Variants in CDK5RAP2 observed in about 807,000 individuals in gnomAD.
CDK5RAP2 encodes CDK5 regulatory subunit-associated protein 2.
In CDK5RAP2, 147 loss-of-function variants were observed where a neutral mutation model predicts 232.9. That is an observed-to-expected ratio of 0.63 (90% CI 0.55 to 0.72). The LOEUF (loss-of-function observed/expected upper bound fraction) is 0.72, where lower values mean the gene tolerates loss of function less well. Among genes scored for constraint, CDK5RAP2 ranks in the 30% least tolerant of loss-of-function variants. The pLI is 0.00. For missense variants in CDK5RAP2, 2,195 were observed against 2,231.5 expected (o/e 0.98, Z 0.33); for synonymous variants, 833 against 833.7 (o/e 1.00, Z 0.01).
chr9:120,449,094 C>A (rs538351217), intron 21 of CDK5RAP2, among the ~76,000 whole-genome samples: 6 of 152,206 alleles, frequency 3.9e-5, no homozygotes, highest in African/African-American at 1.4e-4. Flanking sequence ...TCCTGCAGGA[C>A]CTACAGCCTG....
At chr9:120,498,690 A>C (rs139216483) in intron 12 of CDK5RAP2, among the ~76,000 whole-genome samples, 2,110 of 151,988 alleles carry the variant, frequency 0.014, 48 homozygotes, top group African/African-American at 0.049. Context: ...CTGTATGTTT[A>C]AAATTATTTC....
chr9:120,451,842 T>G (rs2036495574), intron 21 of CDK5RAP2, among the ~76,000 whole-genome samples: 1 of 147,752 alleles, frequency 6.8e-6, no homozygotes, highest in Non-Finnish European at 1.5e-5. Context: ...TTGAGAATAT[T>G]AAATGAGATT....
rs2036916501 is a variant in CDK5RAP2, at chr9:120,458,632, A to G, written c.2203-10T>C. 3 of 1,613,398 alleles carry G rather than the reference A, an allele frequency of 1.9e-6. No individual in the cohort carries two copies. The highest frequency in any genetic ancestry group is 4.5e-5 in the East Asian group (2 of 44,878). On this transcript the variant is annotated splice_polypyrimidine_tract_variant and intron_variant, in intron 19 of 37. Transcript: ENST00000349780. The stretch of plus-strand genomic sequence containing the variant: ...AAAGGTCTTTCATAATCTGCAAATA[A>G]AAGTATTTGGTCAAATAATGGAATA...
chr9:120,509,545 A>T (rs2039982073), intron 12 of CDK5RAP2, among the ~76,000 whole-genome samples: 1 of 152,362 alleles, frequency 6.6e-6, no homozygotes, highest in Admixed American at 6.5e-5. Context: ...GAAGTTAAGC[A>T]CTTGTAAGTG....
intron 35 of CDK5RAP2, among the ~76,000 whole-genome samples, chr9:120,399,233 A>G (rs1316799719): frequency 1.3e-5 from 2 of 152,194 alleles, no homozygotes; most frequent in Non-Finnish European, 2.9e-5. Context: ...ATGTAAGTGT[A>G]TGAGCTGTAT....
At chr9:120,518,165 C>CTGTGTGTGTGTGTG (rs56032707) in intron 12 of CDK5RAP2, among the ~76,000 whole-genome samples, 67 of 111,242 alleles carry the variant, frequency 6.0e-4, no homozygotes, top group East Asian at 1.7e-3. Context: ...GATAACAACT[C>CTGTGTGTGTGTGTG]TGTGTGTGTG....
In CDK5RAP2 at chr9:120,484,359, A is replaced by G. The variant is rs1228262388; in HGVS notation, c.1626+2935T>C. ...AACAGTTGGGATTCCTTAAAGTGAC[A>G]CCAGAAATTTACAATTCTTAAGTGA... is the stretch of plus-strand genomic sequence containing the variant. On this transcript the variant is annotated intron_variant, in intron 14 of 37. Transcript: ENST00000349780. 2.6e-5 allele frequency among the ~76,000 whole-genome samples: 4 copies of G among 152,322 alleles called. No homozygotes were observed. In the East Asian group the frequency reaches 7.7e-4, roughly 29 times the overall value.
intron 35 of CDK5RAP2, among the ~76,000 whole-genome samples, chr9:120,395,911 T>C (rs1351407688): frequency 6.6e-6 from 1 of 152,224 alleles, no homozygotes; most frequent in Non-Finnish European, 1.5e-5. Context: ...GAATTCTATA[T>C]TCAAATTGCT....
At chr9:120,450,213 G>T (rs2036410112) in intron 21 of CDK5RAP2, among the ~76,000 whole-genome samples, 1 of 152,156 alleles carries the variant, frequency 6.6e-6, no homozygotes, top group Non-Finnish European at 1.5e-5. Context: ...CAACGTGAAT[G>T]AACCTCAAAA....
chr9:120,413,798 C>T (rs943450073), intron 28 of CDK5RAP2, among the ~76,000 whole-genome samples: 9 of 126,434 alleles, frequency 7.1e-5, no homozygotes, highest in Non-Finnish European at 9.7e-5. Context: ...AGGAAATGGG[C>T]GCAGTGAGCG....
At chr9:120,493,413 A>G (rs2039003065) in intron 12 of CDK5RAP2, among the ~76,000 whole-genome samples, 1 of 152,240 alleles carries the variant, frequency 6.6e-6, no homozygotes, top group Admixed American at 6.5e-5. Context: ...GGGTAACTAA[A>G]TAGGTGATGA....
intron 12 of CDK5RAP2, among the ~76,000 whole-genome samples, chr9:120,507,940 AAAAT>A (rs2039904311): frequency 3.6e-5 from 1 of 27,916 alleles, no homozygotes; most frequent in African/African-American, 1.1e-4. Context: ...AAAAAAAAAA[AAAAT>A]ATATATATAT....
rs998397469 is a variant in CDK5RAP2 at position 120,547,603 on chromosome 9, C to CA, written c.307-1814dup. On this transcript the variant is annotated intron_variant, in intron 4 of 37. Transcript: ENST00000349780. Reference sequence around the variant, plus strand: ...TAGGCGACAGAGCGAGACTCCATCTCAAAAAAAAAAAATCATTTCCAGTAA... The same window carrying CA: ...TAGGCGACAGAGCGAGACTCCATCTCAAAAAAAAAAAAATCATTTCCAGTAA... Among the ~76,000 whole-genome samples, 225 of 143,732 alleles carry CA rather than the reference C, an allele frequency of 1.6e-3. 1 individual carries two copies. The highest frequency in any genetic ancestry group is 2.4e-3 in the African/African-American group (94 of 39,222). 94.3% of individuals were successfully genotyped at this position (143,732 alleles called of 152,430 possible). A position where few individuals can be genotyped will look rare whatever the true frequency, so the allele number is the denominator to read the frequency against.
intron 35 of CDK5RAP2, among the ~76,000 whole-genome samples, chr9:120,397,638 G>GT (rs1334565891): frequency 6.8e-6 from 1 of 146,764 alleles, no homozygotes. Flanking sequence ...TAATTCCTTA[G>GT]TATCACCACA....
chr9:120,416,061 A>G (rs2034197036), intron 27 of CDK5RAP2, among the ~76,000 whole-genome samples: 2 of 152,162 alleles, frequency 1.3e-5, no homozygotes, highest in African/African-American at 4.8e-5. Context: ...CCATACACTC[A>G]CTCAACAATC....
chr9:120,502,480 T>C (rs1388185734), intron 12 of CDK5RAP2, among the ~76,000 whole-genome samples: 1 of 152,276 alleles, frequency 6.6e-6, no homozygotes, highest in Non-Finnish European at 1.5e-5. Flanking sequence ...ATTTATTCCA[T>C]GCTCCTTTTA....
In CDK5RAP2 at chr9:120,409,107, C is replaced by T. The variant is rs761299306; in HGVS notation, c.4604+20G>A. The stretch of plus-strand genomic sequence containing the variant: ...ATGCGTGGTACGGCCAGCAGGCCAC[C>T]AGGGAAGCACAGCCACTACCTGCTC... On this transcript the variant is annotated intron_variant, in intron 30 of 37. Transcript: ENST00000349780. 9 of 1,609,344 alleles carry T rather than the reference C, an allele frequency of 5.6e-6. No individual in the cohort carries two copies. The East Asian group carries it at 2.0e-4, about 36-fold the overall frequency.
intron 18 of CDK5RAP2, among the ~76,000 whole-genome samples, chr9:120,461,775 CG>C (rs1343211649): frequency 6.6e-6 from 1 of 152,010 alleles, no homozygotes; most frequent in Non-Finnish European, 1.5e-5. Context: ...CCAGGGAGGT[CG>C]AGGCTGCAGT....
At chr9:120,436,799 A>G (rs564633880) in intron 25 of CDK5RAP2, among the ~76,000 whole-genome samples, 3 of 152,314 alleles carry the variant, frequency 2.0e-5, no homozygotes, top group East Asian at 3.9e-4. Flanking sequence ...TTTACCTAGC[A>G]CATAGCAAAG....
Sources: gnomAD v4.1 joint callset for allele counts (sites outside exome capture counted in the v4.1 genomes callset) on GRCh38, gnomAD v4.1.1 for gene constraint, MANE v1.5 for transcripts, NCBI Gene and HGNC (gene_info 2026-07-23, HGNC 2026-07-21) for gene names.